Variants in TMCO4 observed in about 807,000 individuals in gnomAD.
TMCO4 encodes transmembrane and coiled-coil domain-containing protein 4.
Under a neutral mutation model 64.7 loss-of-function variants are expected in TMCO4, and 58 were observed. The observed-to-expected ratio is 0.90, with a 90% CI of 0.73 to 1.12. TMCO4 has a LOEUF of 1.12. Ranked by LOEUF, TMCO4 falls within the 50% of genes most tolerant of loss-of-function variation. The pLI is 0.00. For missense variants in TMCO4, 780 were observed against 825.9 expected (o/e 0.94, Z 0.68); for synonymous variants, 325 against 346.1 (o/e 0.94, Z 0.68).
At chr1:19,748,525 C>A (rs2041888398) in intron 7 of TMCO4, among the ~76,000 whole-genome samples, 1 of 152,086 alleles carries the variant, frequency 6.6e-6, no homozygotes, top group African/African-American at 2.4e-5. Context: ...CTCCAGTCAT[C>A]TAAAAGAAAT....
chr1:19,736,494 C>T (rs78053152), intron 13 of TMCO4, among the ~76,000 whole-genome samples: 1 of 152,174 alleles, frequency 6.6e-6, no homozygotes, highest in Non-Finnish European at 1.5e-5. Flanking sequence ...CTCCTCTTGC[C>T]TTCAGAGTCC....
At chr1:19,737,226 GA>G in intron 13 of TMCO4, 145 bp downstream of exon 13, 1 of 804,896 alleles carries the variant, frequency 1.2e-6, no homozygotes, top group Admixed American at 2.6e-5. Flanking sequence ...GATTTTTCTT[GA>G]TTTTTAAACT....
chr1:19,696,288 G>A (rs1341227004), intron 14 of TMCO4, among the ~76,000 whole-genome samples: 3 of 152,178 alleles, frequency 2.0e-5, no homozygotes. Flanking sequence ...GGTGGCTCAC[G>A]CCTGTAATCC....
chr1:19,712,636 A>G (rs1258798140), intron 13 of TMCO4, among the ~76,000 whole-genome samples: 1 of 150,700 alleles, frequency 6.6e-6, no homozygotes, highest in Admixed American at 6.6e-5. Context: ...AAAAAAAAAG[A>G]AAAAAGAAAA....
At chr1:19,740,709 A>C in intron 11 of TMCO4, 68 bp downstream of exon 11, 30 of 1,524,576 alleles carry the variant, frequency 2.0e-5, no homozygotes, top group East Asian at 4.6e-5. Context: ...ATGCAAAACT[A>C]TGGTACCACT....
At chr1:19,746,650 C>G (rs759468194) in intron 8 of TMCO4, 51 bp from the exon 9 acceptor site, 2 of 1,564,052 alleles carry the variant, frequency 1.3e-6, no homozygotes, top group African/African-American at 2.7e-5. Context: ...GGTGGCTGGA[C>G]GCGGTGGCTC....
At chr1:19,702,247 G>A (rs955116747) in intron 13 of TMCO4, among the ~76,000 whole-genome samples, 29 of 143,140 alleles carry the variant, frequency 2.0e-4, no homozygotes, top group Non-Finnish European at 3.7e-4. Context: ...GGGATTACAG[G>A]CGTGAGCCAC....
rs890667701 is a variant in TMCO4, at chr1:19,755,488, G to A, written c.515+146C>T. ...AAGTAGCTTGCTAAGGCCACACAGC[G>A]AGTCAGGGCTACAGCTGGGACTCTG... On this transcript the variant is annotated intron_variant, in intron 7 of 15. Coordinates refer to ENST00000294543, the MANE Select transcript of TMCO4 (RefSeq NM_181719.7). The A allele has an allele frequency of 1.5e-5, 17 of 1,167,662 alleles. No individual in the cohort carries two copies. The East Asian group carries it at 2.2e-4, about 15-fold the overall frequency. 72.3% of individuals were successfully genotyped at this position (1,167,662 alleles called of 1,614,324 possible). A position where few individuals can be genotyped will look rare whatever the true frequency, so the allele number is the denominator to read the frequency against.
chr1:19,760,518 A>C (rs1241780136), intron 6 of TMCO4, among the ~76,000 whole-genome samples: 1 of 152,144 alleles, frequency 6.6e-6, no homozygotes, highest in Non-Finnish European at 1.5e-5. Flanking sequence ...CCTGGGCTCA[A>C]GTGAGCCCTC....
chr1:19,749,125 G>A (rs1409818270), intron 7 of TMCO4, among the ~76,000 whole-genome samples: 1 of 152,254 alleles, frequency 6.6e-6, no homozygotes, highest in African/African-American at 2.4e-5. Context: ...ATCTAGCACA[G>A]TGGGAGGCAG....
chr1:19,792,831 C>T (rs867613479), intron 2 of TMCO4, among the ~76,000 whole-genome samples: 23 of 129,658 alleles, frequency 1.8e-4, no homozygotes, highest in Admixed American at 3.7e-4. Flanking sequence ...AGTGCAGTGG[C>T]GCAATCTGGG....
At chr1:19,778,201 T>C (rs183091927) in intron 4 of TMCO4, among the ~76,000 whole-genome samples, 40 of 152,322 alleles carry the variant, frequency 2.6e-4, no homozygotes, top group African/African-American at 8.7e-4. Flanking sequence ...TACTATGTGC[T>C]AGGCACTGTG....
chr1:19,757,428 T>C (rs1014128013), intron 6 of TMCO4, among the ~76,000 whole-genome samples: 1 of 148,966 alleles, frequency 6.7e-6, no homozygotes, highest in Non-Finnish European at 1.5e-5. Context: ...TATGAAGACC[T>C]TGTGATTGCA....
At chr1:19,749,892 T>C (rs981999801) in intron 7 of TMCO4, among the ~76,000 whole-genome samples, 2 of 151,520 alleles carry the variant, frequency 1.3e-5, no homozygotes, top group Admixed American at 6.6e-5. Context: ...TCACTTGTTA[T>C]GGCAGCAAAA....
At chr1:19,756,704 T>G (rs12133589) in intron 6 of TMCO4, among the ~76,000 whole-genome samples, 43,130 of 152,038 alleles carry the variant, frequency 0.28, 6,429 homozygotes, top group East Asian at 0.4. Flanking sequence ...ATGGCTAAGA[T>G]AATTTATGGC....
chr1:19,787,683 G>A (rs890454777), intron 2 of TMCO4, among the ~76,000 whole-genome samples: 3 of 152,174 alleles, frequency 2.0e-5, no homozygotes, highest in South Asian at 2.1e-4. Flanking sequence ...ACCCAAAACC[G>A]CAACTTCAAA....
chr1:19,760,883 CTGGAACTCTGT>C (rs2042469683), intron 6 of TMCO4, among the ~76,000 whole-genome samples: 1 of 152,246 alleles, frequency 6.6e-6, no homozygotes, highest in African/African-American at 2.4e-5. Context: ...GACTGAGTGG[CTGGAACTCTGT>C]TGGGAGAGAT....
At chr1:19,683,758 CTTTTT>C (rs531431284) in intron 15 of TMCO4, among the ~76,000 whole-genome samples, 8 of 79,056 alleles carry the variant, frequency 1.0e-4, no homozygotes, top group South Asian at 5.4e-4. Context: ...TTGTCTGAAG[CTTTTT>C]TTTTTTTTTT....
Position 19,686,576 on chromosome 1 carries a change from A to G in TMCO4, c.1501-3132T>C, listed in dbSNP as rs537236249. ...CCTTTCCTCACGAATGCTTTTAAACAGATTCCAGGGAAAATACACACACGT... is the reference window on the plus strand; with the variant it reads ...CCTTTCCTCACGAATGCTTTTAAACGGATTCCAGGGAAAATACACACACGT... On this transcript the variant is annotated intron_variant, in intron 15 of 15. Coordinates refer to ENST00000294543, the MANE Select transcript of TMCO4 (RefSeq NM_181719.7). Among the ~76,000 whole-genome samples, 7 of 152,378 alleles carry G rather than the reference A, an allele frequency of 4.6e-5. No individual in the cohort carries two copies. The East Asian group carries it at 1.3e-3, about 29-fold the overall frequency.
Sources: gnomAD v4.1 joint callset for allele counts (sites outside exome capture counted in the v4.1 genomes callset) on GRCh38, gnomAD v4.1.1 for gene constraint, MANE v1.5 for transcripts, NCBI Gene and HGNC (gene_info 2026-07-23, HGNC 2026-07-21) for gene names.